Variants in MEIS2 observed in about 807,000 individuals in gnomAD.
MEIS2 encodes homeobox protein Meis2.
A neutral mutation model predicts 58.6 loss-of-function variants in MEIS2; 9 were observed. The observed-to-expected ratio is 0.15, with a 90% CI of 0.09 to 0.27. The LOEUF (loss-of-function observed/expected upper bound fraction) is 0.27, where lower values mean the gene tolerates loss of function less well. MEIS2 is among the 10% of genes least tolerant of loss of function. The pLI is 1.00. For synonymous variants in MEIS2, 221 were observed against 228.4 expected (o/e 0.97, Z 0.29); for missense variants, 427 against 635.0 (o/e 0.67, Z 3.52).
At chr15:37,051,715 A>C (rs2062926493) in intron 7 of MEIS2, among the ~76,000 whole-genome samples, 1 of 152,242 alleles carries the variant, frequency 6.6e-6, no homozygotes, top group African/African-American at 2.4e-5. Context: ...TGGAAAGTAC[A>C]GCATTCAATA....
At chr15:37,088,177 C>A (rs1893113325) in intron 6 of MEIS2, among the ~76,000 whole-genome samples, 1 of 152,064 alleles carries the variant, frequency 6.6e-6, no homozygotes, top group Non-Finnish European at 1.5e-5. Context: ...AGAAGTTAGA[C>A]CAGATAACTT....
chr15:37,066,081 C>T (rs2141855737), intron 7 of MEIS2, among the ~76,000 whole-genome samples: 1 of 152,208 alleles, frequency 6.6e-6, no homozygotes, highest in East Asian at 1.9e-4. Context: ...TTTAGAATTG[C>T]CAATTTAATT....
chr15:37,035,961 ATAT>A (rs1263397114), intron 8 of MEIS2, among the ~76,000 whole-genome samples: 1 of 152,252 alleles, frequency 6.6e-6, no homozygotes, highest in Non-Finnish European at 1.5e-5. Flanking sequence ...CCTGAAAACA[ATAT>A]TATAGCAAGA....
chr15:36,974,156 C>A (rs1167827768), intron 8 of MEIS2, among the ~76,000 whole-genome samples: 2 of 152,122 alleles, frequency 1.3e-5, no homozygotes, highest in Non-Finnish European at 2.9e-5. Context: ...AATGCCAGCT[C>A]TTCATTATTT....
chr15:37,091,797 G>C (rs1374496354), intron 6 of MEIS2, among the ~76,000 whole-genome samples: 1 of 152,128 alleles, frequency 6.6e-6, no homozygotes, highest in African/African-American at 2.4e-5. Flanking sequence ...AGAAAACTAA[G>C]TAGTAGGTAC....
intron 9 of MEIS2, among the ~76,000 whole-genome samples, chr15:36,948,148 A>C (rs1287626790): frequency 6.6e-6 from 1 of 151,954 alleles, no homozygotes; most frequent in Non-Finnish European, 1.5e-5. Context: ...GGAAGATGGA[A>C]TTATTTTGTA....
At chr15:36,903,487 C>G (rs1217837737) in intron 9 of MEIS2, among the ~76,000 whole-genome samples, 4 of 152,210 alleles carry the variant, frequency 2.6e-5, no homozygotes, top group African/African-American at 9.7e-5. Flanking sequence ...ACTTTTACTA[C>G]TGACATTAAA....
intron 7 of MEIS2, among the ~76,000 whole-genome samples, chr15:37,047,146 T>G (rs1439137865): frequency 6.6e-6 from 1 of 152,222 alleles, no homozygotes; most frequent in Non-Finnish European, 1.5e-5. Flanking sequence ...TTCTGGGCAC[T>G]CTAATGATTC....
intron 8 of MEIS2, among the ~76,000 whole-genome samples, chr15:36,985,343 C>T (rs2060060491): frequency 6.6e-6 from 1 of 152,140 alleles, no homozygotes; most frequent in Non-Finnish European, 1.5e-5. Context: ...TGCTCTTGTG[C>T]CTTTAGCTTC....
chr15:36,949,906 C>T (rs1243697128), intron 9 of MEIS2, among the ~76,000 whole-genome samples: 1 of 151,918 alleles, frequency 6.6e-6, no homozygotes, highest in African/African-American at 2.4e-5. Flanking sequence ...ATCTACATCA[C>T]CGCTCAAAGC....
Position 37,061,896 on chromosome 15 carries a change from TG to T in MEIS2, c.754+21874del, listed in dbSNP as rs1422408880. Reference sequence around the variant, plus strand: ...ATAACTTTTCAAAAAATCTTAAAACTGTTTGAAAAAAGCAAGCAGGATATTT... The same window carrying T: ...ATAACTTTTCAAAAAATCTTAAAACTTTTGAAAAAAGCAAGCAGGATATTT... On this transcript the variant is annotated intron_variant, in intron 7 of 11. Transcript: ENST00000561208. Among the ~76,000 whole-genome samples, 4 of 152,010 alleles carry T rather than the reference TG, an allele frequency of 2.6e-5. No homozygotes were observed. The East Asian group carries it at 7.7e-4, about 29-fold the overall frequency.
intron 9 of MEIS2, among the ~76,000 whole-genome samples, chr15:36,935,327 A>T (rs545346891): frequency 3.2e-4 from 49 of 152,022 alleles, no homozygotes; most frequent in African/African-American, 1.2e-3. Flanking sequence ...CCAGTAATAT[A>T]TTCAGCCCAA....
chr15:36,895,132 G>GCAT lies in MEIS2; in HGVS notation c.1147+18_1147+19insATG, dbSNP rs748051346. On this transcript the variant is annotated intron_variant, in intron 11 of 11. Transcript: ENST00000561208. ...TGGCACTTCCCAGGGAAGCCCAGAG[G>GCAT]CGGGATGAGCCAACCTACCTGCAGG... 9 of 1,603,996 alleles carry GCAT rather than the reference G, an allele frequency of 5.6e-6. No homozygotes were observed. Among genetic ancestry groups the GCAT allele is most frequent in the Middle Eastern group, 1.7e-4 (1 of 5,984 alleles).
intron 9 of MEIS2, among the ~76,000 whole-genome samples, chr15:36,936,800 T>C (rs1467985993): frequency 2.0e-5 from 3 of 152,224 alleles, no homozygotes; most frequent in Non-Finnish European, 2.9e-5. Flanking sequence ...CCAAATATAG[T>C]CAGGACTGGA....
At chr15:37,039,276 C>T (rs777457585) in intron 7 of MEIS2, among the ~76,000 whole-genome samples, 8 of 152,108 alleles carry the variant, frequency 5.3e-5, no homozygotes, top group Non-Finnish European at 8.8e-5. Context: ...TATGGAATAA[C>T]TCTTCCTTCA....
At chr15:37,040,762 G>A (rs1171355896) in intron 7 of MEIS2, among the ~76,000 whole-genome samples, 1 of 152,210 alleles carries the variant, frequency 6.6e-6, no homozygotes, top group Non-Finnish European at 1.5e-5. Context: ...CTCAAGGCCT[G>A]TGGACAGATA....
In MEIS2 at chr15:37,100,334, ATGAG is replaced by A. The variant is rs1309290797; in HGVS notation, c.-872_-869del. 6.6e-6 allele frequency: 1 copy of A among 150,388 alleles called. No individual in the cohort carries two copies. The highest frequency in any genetic ancestry group is 2.5e-5 in the African/African-American group (1 of 40,512). 9.3% of individuals were successfully genotyped at this position (150,388 alleles called of 1,614,324 possible). On this transcript the variant is annotated 5_prime_UTR_variant, in exon 1 of 12. Coordinates refer to ENST00000561208, the MANE Select transcript of MEIS2 (RefSeq NM_170675.5). ...CTCGCTCTCTTTCTCTCTCTGGGAG[ATGAG>A]TGAGTGTCAGTAGGTGTTGGCAGGT...
chr15:37,073,542 G>T (rs902114681), intron 7 of MEIS2, among the ~76,000 whole-genome samples: 2 of 152,016 alleles, frequency 1.3e-5, no homozygotes, highest in African/African-American at 4.8e-5. Flanking sequence ...CTAAGAAGAG[G>T]TCTTGAGAGA....
At chr15:37,045,481 AAAAAAGAAG>A (rs1295818361) in intron 7 of MEIS2, among the ~76,000 whole-genome samples, 3 of 138,982 alleles carry the variant, frequency 2.2e-5, no homozygotes, top group Non-Finnish European at 4.7e-5. Flanking sequence ...ATGAGATTAA[AAAAAAGAAG>A]AAGAAGAAGA....
Sources: allele counts gnomAD v4.1 joint callset (sites outside exome capture counted in the v4.1 genomes callset), GRCh38; gene constraint gnomAD v4.1.1; transcripts MANE v1.5; gene names NCBI Gene and HGNC (gene_info 2026-07-23, HGNC 2026-07-21).